KIAA0825: variants seen among roughly 807,000 people sequenced by gnomAD.
KIAA0825 encodes uncharacterized protein KIAA0825.
KIAA0825 carries 119 observed loss-of-function variants against 147.6 expected under a neutral mutation model. The ratio of observed to expected loss-of-function variants is 0.81; its 90% CI spans 0.69 to 0.94. The LOEUF (loss-of-function observed/expected upper bound fraction) is 0.94, where lower values mean the gene tolerates loss of function less well. Among genes scored for constraint, KIAA0825 ranks in the 40% least tolerant of loss-of-function variants. The pLI is 0.00. For synonymous variants in KIAA0825, 470 were observed against 518.1 expected (o/e 0.91, Z 1.26); for missense variants, 1,381 against 1,472.7 (o/e 0.94, Z 1.02).
intron 20 of KIAA0825, among the ~76,000 whole-genome samples, chr5:94,254,247 T>G (rs1446953191): frequency 6.6e-6 from 1 of 152,160 alleles, no homozygotes; most frequent in Non-Finnish European, 1.5e-5. Flanking sequence ...TGGAAAAAAA[T>G]AAACCAAACC....
chr5:94,205,905 A>G (rs1182251996), intron 20 of KIAA0825, among the ~76,000 whole-genome samples: 1 of 152,104 alleles, frequency 6.6e-6, no homozygotes. Context: ...TTTTGTATTA[A>G]GGTTTTTTTT....
chr5:94,363,975 A>T (rs548806618), intron 20 of KIAA0825, among the ~76,000 whole-genome samples: 91 of 152,186 alleles, frequency 6.0e-4, no homozygotes, highest in Non-Finnish European at 1.0e-3. Context: ...AAAACAATAA[A>T]TTTAGACTGA....
At chr5:94,178,148 G>A (rs1769283025) in intron 20 of KIAA0825, among the ~76,000 whole-genome samples, 1 of 151,732 alleles carries the variant, frequency 6.6e-6, no homozygotes, top group Non-Finnish European at 1.5e-5. Flanking sequence ...ATATTTTTTG[G>A]TATTTTTCTA....
intron 1 of KIAA0825, among the ~76,000 whole-genome samples, chr5:94,598,546 G>T (rs1188440135): frequency 6.6e-6 from 1 of 152,014 alleles, no homozygotes; most frequent in Non-Finnish European, 1.5e-5. Context: ...AGTAGAAGAA[G>T]AATATGCTAA....
intron 20 of KIAA0825, among the ~76,000 whole-genome samples, chr5:94,196,933 G>C (rs1315140694): frequency 6.6e-6 from 1 of 152,146 alleles, no homozygotes; most frequent in Non-Finnish European, 1.5e-5. Flanking sequence ...GAATATACAA[G>C]TGCATGTGTC....
chr5:94,590,685 T>C (rs1435978410), intron 1 of KIAA0825, among the ~76,000 whole-genome samples: 1 of 152,232 alleles, frequency 6.6e-6, no homozygotes, highest in Non-Finnish European at 1.5e-5. Flanking sequence ...CAAACTGTGC[T>C]TCTTCATAGC....
intron 2 of KIAA0825, among the ~76,000 whole-genome samples, chr5:94,543,955 T>C (rs577874415): frequency 6.6e-6 from 1 of 152,246 alleles, no homozygotes; most frequent in East Asian, 1.9e-4. Context: ...CATCAAGAAA[T>C]AACCATAAAA....
chr5:94,555,482 G>C (rs758764074), intron 2 of KIAA0825, among the ~76,000 whole-genome samples: 10 of 151,968 alleles, frequency 6.6e-5, no homozygotes, highest in Admixed American at 1.3e-4. Context: ...AATATACTAT[G>C]ACTATTAAAA....
chr5:94,571,385 C>T (rs1779944021), intron 2 of KIAA0825, among the ~76,000 whole-genome samples: 1 of 152,086 alleles, frequency 6.6e-6, no homozygotes, highest in Admixed American at 6.6e-5. Flanking sequence ...TAGAAGTATC[C>T]AGTAATACTG....
intron 20 of KIAA0825, among the ~76,000 whole-genome samples, chr5:94,199,103 G>A (rs192624169): frequency 1.3e-5 from 2 of 152,210 alleles, no homozygotes; most frequent in East Asian, 3.9e-4. Context: ...ATCATTTTGA[G>A]GTAAGAAGAC....
chr5:94,380,982 A>G (rs1465620515), intron 20 of KIAA0825, among the ~76,000 whole-genome samples: 1 of 152,212 alleles, frequency 6.6e-6, no homozygotes, highest in Non-Finnish European at 1.5e-5. Context: ...GTGGCCCCAC[A>G]GATCTCCTCT....
chr5:94,559,281 AT>A (rs1268257897), intron 2 of KIAA0825, among the ~76,000 whole-genome samples: 1 of 152,132 alleles, frequency 6.6e-6, no homozygotes, highest in Non-Finnish European at 1.5e-5. Flanking sequence ...GTTTTGGAAA[AT>A]GTTGTAAAGG....
At chr5:94,607,532 C>A (rs528772546) in intron 1 of KIAA0825, among the ~76,000 whole-genome samples, 9 of 152,226 alleles carry the variant, frequency 5.9e-5, no homozygotes, top group South Asian at 4.1e-4. Flanking sequence ...TAGCTTGAAC[C>A]CACGAGACGG....
At chr5:94,564,963 TTTTC>T (rs1180376016) in intron 2 of KIAA0825, among the ~76,000 whole-genome samples, 1 of 147,680 alleles carries the variant, frequency 6.8e-6, no homozygotes, top group Middle Eastern at 3.5e-3. Context: ...TTTTCTTTTC[TTTTC>T]TTTTTCTTCT....
intron 20 of KIAA0825, among the ~76,000 whole-genome samples, chr5:94,234,092 C>A (rs892021760): frequency 6.6e-6 from 1 of 152,040 alleles, no homozygotes. Context: ...GTGGGCCGGG[C>A]GCGGTGGCTC....
chr5:94,356,722 TTTC>T (rs1432808568), intron 20 of KIAA0825, among the ~76,000 whole-genome samples: 1 of 132,904 alleles, frequency 7.5e-6, no homozygotes, highest in Non-Finnish European at 1.6e-5. Flanking sequence ...TTTAACTTGA[TTTC>T]TTTTTTTTTT....
chr5:94,261,617 A>G (rs1051391050), intron 20 of KIAA0825, among the ~76,000 whole-genome samples: 23 of 152,198 alleles, frequency 1.5e-4, no homozygotes, highest in Admixed American at 4.6e-4. Flanking sequence ...AATTATAAAT[A>G]AATAAAATAG....
rs1756874411 is a variant in KIAA0825 at position 94,440,006 on chromosome 5, G to A, written c.2473C>T (p.Leu825=). 2 of 1,551,562 alleles carry A rather than the reference G, an allele frequency of 1.3e-6. No homozygotes were observed. Among genetic ancestry groups the A allele is most frequent in the African/African-American group, 1.4e-5 (1 of 73,002 alleles). ...CTTGAGCTCTTCAGCAAGATTCTCA[G>A]TAAAAGTCCATCATGATGCAGTAGG... is the stretch of plus-strand genomic sequence containing the variant. ...ETLLHHDGLL[L]RILLKSSKQV... is the part of the protein sequence containing the mutation. Residue 825 remains leucine, a synonymous_variant, in exon 14 of 21, where the codon CTG becomes TTG. Transcript: ENST00000682413.
chr5:94,301,558 C>G (rs1031954624), intron 20 of KIAA0825, among the ~76,000 whole-genome samples: 3 of 151,838 alleles, frequency 2.0e-5, no homozygotes, highest in African/African-American at 7.3e-5. Flanking sequence ...TGAGATAAAC[C>G]CTGTATATGA....
Sources: allele counts gnomAD v4.1 joint callset (sites outside exome capture counted in the v4.1 genomes callset), GRCh38; gene constraint gnomAD v4.1.1; transcripts MANE v1.5; gene names NCBI Gene and HGNC (gene_info 2026-07-23, HGNC 2026-07-21).